The following CACNA2D2 variants were observed in gnomAD, a reference collection of about 807,000 sequenced individuals.
CACNA2D2 encodes the protein calcium voltage-gated channel auxiliary subunit alpha2delta 2, also known as voltage-dependent calcium channel subunit alpha-2/delta-2.
Under a neutral mutation model 166.4 loss-of-function variants are expected in CACNA2D2, and 48 were observed. The ratio of observed to expected loss-of-function variants is 0.29; its 90% CI spans 0.23 to 0.37. The LOEUF (loss-of-function observed/expected upper bound fraction) is 0.37. Ranked by LOEUF, CACNA2D2 falls within the 10% of genes least tolerant of loss-of-function variation. CACNA2D2 has a pLI of 1.00. For synonymous variants in CACNA2D2, 561 were observed against 573.7 expected (o/e 0.98, Z 0.32); for missense variants, 1,122 against 1,433.0 (o/e 0.78, Z 3.50).
intron 3 of CACNA2D2, among the ~76,000 whole-genome samples, chr3:50,416,753 G>A (rs2106821746): frequency 6.6e-6 from 1 of 152,348 alleles, no homozygotes; most frequent in Middle Eastern, 3.4e-3. Context: ...CTGTTTTCCA[G>A]TCTGTAAAAT....
At chr3:50,456,991 T>C (rs1236369279) in intron 2 of CACNA2D2, among the ~76,000 whole-genome samples, 1 of 152,196 alleles carries the variant, frequency 6.6e-6, no homozygotes, top group African/African-American at 2.4e-5. Context: ...GGCTCATGCC[T>C]ATAATCCCAG....
intron 5 of CACNA2D2, among the ~76,000 whole-genome samples, chr3:50,386,130 C>A (rs999182659): frequency 2.6e-5 from 4 of 152,208 alleles, no homozygotes; most frequent in Non-Finnish European, 5.9e-5. Context: ...GCCTAGCTGA[C>A]CCTAGTCTAG....
chr3:50,477,457 G>T (rs1378880027), intron 1 of CACNA2D2, among the ~76,000 whole-genome samples: 2 of 152,186 alleles, frequency 1.3e-5, no homozygotes, highest in Admixed American at 1.3e-4. Context: ...GCAAGGCCTT[G>T]CCTGGGTTCA....
At chr3:50,393,412 C>T (rs2106727249) in intron 4 of CACNA2D2, among the ~76,000 whole-genome samples, 1 of 152,342 alleles carries the variant, frequency 6.6e-6, no homozygotes, top group South Asian at 2.1e-4. Flanking sequence ...AGGAGCCCTG[C>T]CTCCGTCTGA....
At chr3:50,370,235 C>A in intron 23 of CACNA2D2, 85 bp downstream of exon 23, 1 of 918,456 alleles carries the variant, frequency 1.1e-6, no homozygotes, top group East Asian at 2.6e-5. Context: ...CACAGACACA[C>A]AGAGCTCCAG....
At chr3:50,491,805 T>G (rs1698534524) in intron 1 of CACNA2D2, among the ~76,000 whole-genome samples, 1 of 152,172 alleles carries the variant, frequency 6.6e-6, no homozygotes, top group Non-Finnish European at 1.5e-5. Flanking sequence ...TCTTTCCTCA[T>G]GTGACAGGTG....
intron 3 of CACNA2D2, among the ~76,000 whole-genome samples, chr3:50,432,589 G>A (rs765836065): frequency 3.3e-5 from 5 of 152,208 alleles, no homozygotes; most frequent in African/African-American, 4.8e-5. Context: ...AAGGTGGGGC[G>A]CGATGCACTG....
At chr3:50,448,761 C>A (rs990178595) in intron 2 of CACNA2D2, among the ~76,000 whole-genome samples, 1 of 152,124 alleles carries the variant, frequency 6.6e-6, no homozygotes, top group Non-Finnish European at 1.5e-5. Flanking sequence ...TTCTGCCCAC[C>A]ATTTCAGAGG....
intron 2 of CACNA2D2, among the ~76,000 whole-genome samples, chr3:50,469,560 C>T (rs946615599): frequency 6.6e-6 from 1 of 152,288 alleles, no homozygotes; most frequent in Middle Eastern, 3.4e-3. Flanking sequence ...CAAAGACACC[C>T]CACACTTACG....
intron 1 of CACNA2D2, among the ~76,000 whole-genome samples, chr3:50,498,802 A>G (rs952653962): frequency 6.6e-6 from 1 of 152,190 alleles, no homozygotes; most frequent in African/African-American, 2.4e-5. Context: ...TCAGGCTTCA[A>G]GCCCCCCTCC....
intron 1 of CACNA2D2, among the ~76,000 whole-genome samples, chr3:50,500,860 A>G (rs1698934872): frequency 6.6e-6 from 1 of 151,518 alleles, no homozygotes; most frequent in Non-Finnish European, 1.5e-5. Flanking sequence ...CCTGGTGGGC[A>G]GAGAGCCATG....
At chr3:50,435,748 C>T (rs999554850) in intron 2 of CACNA2D2, among the ~76,000 whole-genome samples, 1 of 152,150 alleles carries the variant, frequency 6.6e-6, no homozygotes, top group African/African-American at 2.4e-5. Context: ...AGGCAATCTT[C>T]TCCTCCTCCC....
intron 3 of CACNA2D2, among the ~76,000 whole-genome samples, chr3:50,432,107 G>A (rs1405056799): frequency 1.3e-5 from 2 of 152,120 alleles, no homozygotes; most frequent in African/African-American, 2.4e-5. Context: ...TCACATAGCA[G>A]AGTCCAGCAA....
chr3:50,439,767 A>ATGT (rs1708504051), intron 2 of CACNA2D2, among the ~76,000 whole-genome samples: 1 of 152,146 alleles, frequency 6.6e-6, no homozygotes, highest in Non-Finnish European at 1.5e-5. Flanking sequence ...GGCTACACTC[A>ATGT]TGTCAGGGAT....
Position 50,374,816 on chromosome 3 carries a change from G to A in CACNA2D2, c.1908-3C>T, listed in dbSNP as rs756712440. 12 of 1,586,124 alleles carry A rather than the reference G, an allele frequency of 7.6e-6. No homozygotes were observed. Among genetic ancestry groups the A allele is most frequent in the African/African-American group, 2.7e-5 (2 of 74,400 alleles). ...AGGGTGGGAGCACCAGCCCCAGGCTGAGGGGGGAGAAGCTCGGGTCACGGC... is the reference window on the plus strand; with the variant it reads ...AGGGTGGGAGCACCAGCCCCAGGCTAAGGGGGGAGAAGCTCGGGTCACGGC... On this transcript the variant is annotated splice_polypyrimidine_tract_variant and splice_region_variant and intron_variant, in intron 21 of 37. Coordinates refer to ENST00000424201, the MANE Select transcript of CACNA2D2 (RefSeq NM_006030.4).
intron 3 of CACNA2D2, among the ~76,000 whole-genome samples, chr3:50,414,635 C>A (rs548261901): frequency 5.2e-4 from 80 of 152,382 alleles, no homozygotes; most frequent in Admixed American, 1.4e-3. Context: ...GCTGCACCCA[C>A]TACTGCCCTT....
At position 50,366,648 on chromosome 3, in the gene CACNA2D2, C is replaced by G. The variant is rs974223225; in HGVS notation, c.2590-23G>C. The stretch of plus-strand genomic sequence containing the variant: ...GCACTGCTGGGCAGAGAGTGAGGAC[C>G]GTAAGCCACCCACCAGTTTTCCTCC... On this transcript the variant is annotated intron_variant, in intron 29 of 37. Coordinates refer to ENST00000424201, the MANE Select transcript of CACNA2D2 (RefSeq NM_006030.4). This position sits in a 1 kb window ranked among gnomAD's most constrained non-coding sequence, Gnocchi z 5.9. The G allele has an allele frequency of 5.0e-6, 8 of 1,613,428 alleles. No homozygotes were observed. The African/African-American group carries it at 5.3e-5, about 11-fold the overall frequency.
Position 50,364,768 on chromosome 3 carries a change from C to T in CACNA2D2, c.3330G>A (p.Pro1110=), listed in dbSNP as rs775808130. ...TSDCGRGASF[P]PSLGVLVSLQ... Reference sequence around the variant, plus strand: ...GGGAGACCAGGACGCCCAGCGACGGCGGGAAGGAGGCCCCGCGGCCACAGT... The same window carrying T: ...GGGAGACCAGGACGCCCAGCGACGGTGGGAAGGAGGCCCCGCGGCCACAGT... Residue 1110 remains proline (P), a synonymous_variant, in exon 38 of 38, where the codon CCG becomes CCA. Coordinates refer to ENST00000424201, the MANE Select transcript of CACNA2D2 (RefSeq NM_006030.4). 8 of 1,586,914 alleles carry T rather than the reference C, an allele frequency of 5.0e-6. No homozygotes were observed. The highest frequency in any genetic ancestry group is 2.3e-5 in the East Asian group (1 of 42,676).
chr3:50,453,103 C>G (rs1048418553), intron 2 of CACNA2D2, among the ~76,000 whole-genome samples: 8 of 152,216 alleles, frequency 5.3e-5, no homozygotes, highest in Non-Finnish European at 1.0e-4. Flanking sequence ...ATGAGCCCAT[C>G]TCCACATCAC....
Sources: gnomAD v4.1 joint callset for allele counts (sites outside exome capture counted in the v4.1 genomes callset) on GRCh38, gnomAD v4.1.1 for gene constraint, Gnocchi (gnomAD v3.1) non-coding constraint, MANE v1.5 for transcripts, NCBI Gene and HGNC (gene_info 2026-07-23, HGNC 2026-07-21) for gene names.